Variants in MGAT4C observed in about 807,000 individuals in gnomAD.
MGAT4C encodes the protein MGAT4 family member C.
MGAT4C carries 19 observed loss-of-function variants against 40.1 expected under a neutral mutation model. The ratio of observed to expected loss-of-function variants is 0.47; its 90% CI spans 0.33 to 0.70. The LOEUF (loss-of-function observed/expected upper bound fraction) is 0.70. Among genes scored for constraint, MGAT4C ranks in the 30% least tolerant of loss-of-function variants. The pLI is 0.02. For missense variants in MGAT4C, 491 were observed against 563.2 expected (o/e 0.87, Z 1.30); for synonymous variants, 181 against 187.1 (o/e 0.97, Z 0.27).
intron 1 of MGAT4C, among the ~76,000 whole-genome samples, chr12:86,764,243 A>T (rs1340162909): frequency 6.6e-6 from 1 of 152,278 alleles, no homozygotes; most frequent in African/African-American, 2.4e-5. Context: ...TCCTATGCCC[A>T]CGGAGTCTCG....
intron 3 of MGAT4C, among the ~76,000 whole-genome samples, chr12:86,429,917 T>G (rs1433650598): frequency 1.3e-5 from 2 of 152,142 alleles, no homozygotes; most frequent in African/African-American, 4.8e-5. Context: ...ATGTGAAAGT[T>G]TAATCTCTTG....
chr12:86,410,005 C>A (rs200194080), intron 3 of MGAT4C, among the ~76,000 whole-genome samples: 1 of 149,394 alleles, frequency 6.7e-6, no homozygotes, highest in South Asian at 2.1e-4. Context: ...ACTTTAAAGG[C>A]GGAGGGGGTG....
intron 2 of MGAT4C, among the ~76,000 whole-genome samples, chr12:86,592,017 G>GTACA (rs1333487826): frequency 2.6e-5 from 4 of 152,108 alleles, no homozygotes; most frequent in Non-Finnish European, 4.4e-5. Context: ...TTAAATAAGT[G>GTACA]TACATATTTT....
intron 2 of MGAT4C, among the ~76,000 whole-genome samples, chr12:86,609,212 GAC>G: frequency 6.6e-6 from 1 of 152,184 alleles, no homozygotes; most frequent in South Asian, 2.1e-4. Context: ...TAAATGGAGA[GAC>G]AGGATAATCA....
intron 4 of MGAT4C, among the ~76,000 whole-genome samples, chr12:86,305,660 G>A (rs1953918250): frequency 6.7e-6 from 1 of 150,152 alleles, no homozygotes; most frequent in African/African-American, 2.5e-5. Context: ...AGTCTTTTAT[G>A]TTAAGTGGTG....
chr12:86,795,094 T>A (rs953643946), intron 1 of MGAT4C, among the ~76,000 whole-genome samples: 3 of 152,028 alleles, frequency 2.0e-5, no homozygotes, highest in African/African-American at 7.2e-5. Flanking sequence ...ATTTAATATA[T>A]GAATTTGTTT....
intron 1 of MGAT4C, among the ~76,000 whole-genome samples, chr12:86,763,717 C>A (rs1951446343): frequency 6.6e-6 from 1 of 152,090 alleles, no homozygotes; most frequent in South Asian, 2.1e-4. Context: ...CAATAACACA[C>A]ACACAAATGT....
chr12:86,530,206 T>G (rs1270158924), intron 2 of MGAT4C, among the ~76,000 whole-genome samples: 1 of 151,874 alleles, frequency 6.6e-6, no homozygotes, highest in Non-Finnish European at 1.5e-5. Context: ...ATAACTAGAG[T>G]CCTGCCTTGA....
intron 4 of MGAT4C, among the ~76,000 whole-genome samples, chr12:86,276,917 A>G (rs762150404): frequency 3.9e-5 from 6 of 152,194 alleles, no homozygotes; most frequent in Non-Finnish European, 8.8e-5. Context: ...TCTCTTAAAT[A>G]TACTGATTTC....
At chr12:86,257,550 C>A (rs1952557827), upstream of MGAT4C, among the ~76,000 whole-genome samples, 2 of 152,212 alleles carry the variant, frequency 1.3e-5, no homozygotes, top group South Asian at 4.1e-4. Context: ...AAGTCACCAA[C>A]AGTGCACTTG....
chr12:86,012,196 C>A (rs139344015), intron 2 of MGAT4C, among the ~76,000 whole-genome samples: 1 of 152,122 alleles, frequency 6.6e-6, no homozygotes, highest in Non-Finnish European at 1.5e-5. Flanking sequence ...GCATATCCCA[C>A]GATACTTTTT....
chr12:86,767,340 C>CA (rs1471528538), intron 1 of MGAT4C, among the ~76,000 whole-genome samples: 14 of 152,124 alleles, frequency 9.2e-5, no homozygotes, highest in South Asian at 8.3e-4. Context: ...CTGAATAGAC[C>CA]AAAACAGGCT....
chr12:86,547,188 T>C (rs1037333741), intron 2 of MGAT4C, among the ~76,000 whole-genome samples: 2 of 152,084 alleles, frequency 1.3e-5, no homozygotes, highest in African/African-American at 4.8e-5. Context: ...GACATATTAA[T>C]ACTTTCTTTT....
chr12:86,084,534 GT>G (rs1300400699), intron 1 of MGAT4C, among the ~76,000 whole-genome samples: 2 of 151,666 alleles, frequency 1.3e-5, no homozygotes, highest in African/African-American at 2.4e-5. Flanking sequence ...ATTTGCAACT[GT>G]TTTTTTAAAA....
At chr12:86,444,751 A>T (rs1023566670) in intron 2 of MGAT4C, among the ~76,000 whole-genome samples, 2 of 152,330 alleles carry the variant, frequency 1.3e-5, no homozygotes, top group African/African-American at 4.8e-5. Context: ...TTTCTGAGGT[A>T]CGGTTCTGTA....
At chr12:86,769,079 G>T (rs1456706861) in intron 1 of MGAT4C, among the ~76,000 whole-genome samples, 1 of 151,946 alleles carries the variant, frequency 6.6e-6, no homozygotes, top group Non-Finnish European at 1.5e-5. Flanking sequence ...GAGTGAACAG[G>T]CAACCTACAA....
At chr12:86,511,342 C>G (rs1592937007) in intron 2 of MGAT4C, among the ~76,000 whole-genome samples, 1 of 152,044 alleles carries the variant, frequency 6.6e-6, no homozygotes, top group East Asian at 1.9e-4. Context: ...TTTAATATTT[C>G]TTTCATCAAT....
chr12:86,429,758 C>T (rs1956997717), intron 3 of MGAT4C, among the ~76,000 whole-genome samples: 1 of 152,048 alleles, frequency 6.6e-6, no homozygotes, highest in Non-Finnish European at 1.5e-5. Flanking sequence ...TGTTGTGCTT[C>T]TCTTTGGGTT....
intron 2 of MGAT4C, among the ~76,000 whole-genome samples, chr12:86,498,429 A>G (rs1958280334): frequency 6.6e-6 from 1 of 151,868 alleles, no homozygotes; most frequent in Non-Finnish European, 1.5e-5. Context: ...AATTCAGAAA[A>G]AGCAAGGCAT....
Sources: gnomAD v4.1 joint callset for allele counts (sites outside exome capture counted in the v4.1 genomes callset) on GRCh38, gnomAD v4.1.1 for gene constraint, MANE v1.5 for transcripts, NCBI Gene and HGNC (gene_info 2026-07-23, HGNC 2026-07-21) for gene names.